WHR1: variants seen among roughly 807,000 people sequenced by gnomAD.
WHR1 encodes the protein MHC class III HLA-RP1.
the WHR1 span, chr6:31,979,026 T>C: frequency 5.0e-6 from 8 of 1,604,496 alleles, no homozygotes; most frequent in African/African-American, 5.4e-5. Flanking sequence ...TCAGGGGTGC[T>C]GGGGGGAGGG....
At chr6:31,975,199 C>T in the WHR1 span, among the ~76,000 whole-genome samples, 1 of 149,426 alleles carries the variant, frequency 6.7e-6, no homozygotes, top group South Asian at 2.1e-4. Flanking sequence ...CCTTAGTTTT[C>T]CCTTTTTTTT....
At chr6:31,977,941 C>T in the WHR1 span, among the ~76,000 whole-genome samples, 11 of 152,086 alleles carry the variant, frequency 7.2e-5, no homozygotes, top group Non-Finnish European at 1.5e-4. Flanking sequence ...GCACACATCA[C>T]CACGCCCGGC....
chr6:31,975,123 TC>T, the WHR1 span, among the ~76,000 whole-genome samples: 1 of 151,938 alleles, frequency 6.6e-6, no homozygotes, highest in African/African-American at 2.4e-5. Flanking sequence ...CCCACATATA[TC>T]CCTCTCTGAT....
the WHR1 span, among the ~76,000 whole-genome samples, chr6:31,978,154 TTTTA>T: frequency 3.9e-5 from 6 of 152,208 alleles, no homozygotes; most frequent in Non-Finnish European, 8.8e-5. Flanking sequence ...AAACAATTTT[TTTTA>T]AGAGATGGGG....
chr6:31,977,782 C>G, the WHR1 span, among the ~76,000 whole-genome samples: 1 of 151,682 alleles, frequency 6.6e-6, no homozygotes, highest in Non-Finnish European at 1.5e-5. Context: ...CCACCGTGCC[C>G]GGCCCCAGTT....
At chr6:31,972,812 C>A in the WHR1 span, 2 of 1,599,496 alleles carry the variant, frequency 1.3e-6, no homozygotes, top group Non-Finnish European at 8.5e-7. This position sits in a 1 kb window ranked among gnomAD's most constrained non-coding sequence, Gnocchi z 6.3. Context: ...CTGGAATTCC[C>A]TGTCACTCAG....
At chr6:31,971,900 G>A in the WHR1 span, 12 of 1,511,366 alleles carry the variant, frequency 7.9e-6, no homozygotes, top group African/African-American at 5.5e-5. The surrounding 1 kb of genome is among the most constrained non-coding windows in gnomAD (Gnocchi z 4.5). Context: ...TAGGAAGGAC[G>A]TCTGCGCTCA....
At chr6:31,976,792 G>A in the WHR1 span, among the ~76,000 whole-genome samples, 1 of 152,238 alleles carries the variant, frequency 6.6e-6, no homozygotes, top group Non-Finnish European at 1.5e-5. Context: ...CTGCAATCGC[G>A]GCACCTCCGG....
At chr6:31,980,512 C>T in the WHR1 span, 3 of 1,612,956 alleles carry the variant, frequency 1.9e-6, no homozygotes, top group African/African-American at 1.3e-5. Context: ...GCTAGCTGTG[C>T]CTGGAGCTGG....
chr6:31,971,531 G>A, the WHR1 span: 1 of 1,614,218 alleles, frequency 6.2e-7, no homozygotes, highest in Non-Finnish European at 8.5e-7. The surrounding 1 kb of genome is among the most constrained non-coding windows in gnomAD (Gnocchi z 4.5). Context: ...AAGCAGCCCA[G>A]TTCCGAAGGG....
At chr6:31,972,853 G>T in the WHR1 span, 1 of 1,574,978 alleles carries the variant, frequency 6.3e-7, no homozygotes, top group Admixed American at 1.8e-5. The surrounding 1 kb of genome is among the most constrained non-coding windows in gnomAD (Gnocchi z 6.3). Context: ...CAAGCATTAG[G>T]CCTTTCAGGC....
the WHR1 span, chr6:31,978,802 C>T: frequency 9.7e-7 from 1 of 1,031,878 alleles, no homozygotes; most frequent in South Asian, 1.5e-5. Flanking sequence ...GAAAATGCCC[C>T]CATATTGGCA....
chr6:31,979,550 T>C, the WHR1 span: 1 of 1,612,788 alleles, frequency 6.2e-7, no homozygotes, highest in African/African-American at 1.3e-5. Flanking sequence ...GACTCAGAAA[T>C]CACGTGAGAC....
the WHR1 span, chr6:31,972,411 T>C: frequency 6.2e-7 from 1 of 1,612,984 alleles, no homozygotes; most frequent in Non-Finnish European, 8.5e-7. The surrounding 1 kb of genome is among the most constrained non-coding windows in gnomAD (Gnocchi z 6.3). Flanking sequence ...AATCCCGGGA[T>C]ATGAGCTGGA....
the WHR1 span, among the ~76,000 whole-genome samples, chr6:31,975,906 G>T: frequency 2.0e-5 from 3 of 148,554 alleles, no homozygotes; most frequent in South Asian, 2.2e-4. Flanking sequence ...GCCGGGCGGG[G>T]GGCTGACCCC....
At chr6:31,971,420 C>A in the WHR1 span, 7 of 1,609,170 alleles carry the variant, frequency 4.4e-6, no homozygotes, top group Non-Finnish European at 6.0e-6. The surrounding 1 kb of genome is among the most constrained non-coding windows in gnomAD (Gnocchi z 4.5). Context: ...GGGTATCCGT[C>A]TCTGAGGTCA....
chr6:31,978,810 G>T, the WHR1 span: 2 of 1,176,500 alleles, frequency 1.7e-6, no homozygotes, highest in Admixed American at 2.4e-5. Context: ...CCCCATATTG[G>T]CAAACAAAAT....
At chr6:31,971,913 T>A in the WHR1 span, 2 of 1,529,686 alleles carry the variant, frequency 1.3e-6, no homozygotes, top group Non-Finnish European at 1.8e-6. This position sits in a 1 kb window ranked among gnomAD's most constrained non-coding sequence, Gnocchi z 4.5. Context: ...TGCGCTCAGA[T>A]CAAGAATCCA....
the WHR1 span, among the ~76,000 whole-genome samples, chr6:31,976,003 C>G: frequency 2.0e-5 from 3 of 149,876 alleles, no homozygotes; most frequent in Admixed American, 2.0e-4. Flanking sequence ...GCGCCCCTCA[C>G]CTCCCGGACG....
Sources: gnomAD v4.1 joint callset for allele counts (sites outside exome capture counted in the v4.1 genomes callset) on GRCh38, gnomAD v4.1.1 for gene constraint, Gnocchi (gnomAD v3.1) non-coding constraint, MANE v1.5 for transcripts, NCBI Gene and HGNC (gene_info 2026-07-23, HGNC 2026-07-21) for gene names.